The following NRG3 variants were observed in gnomAD, a reference collection of about 807,000 sequenced individuals.
NRG3 encodes the protein pro-neuregulin-3, membrane-bound isoform.
NRG3 carries 31 observed loss-of-function variants against 66.9 expected under a neutral mutation model. The observed-to-expected ratio is 0.46, with a 90% CI of 0.35 to 0.63. The LOEUF (loss-of-function observed/expected upper bound fraction) is 0.63. Ranked by LOEUF, NRG3 falls within the 20% of genes least tolerant of loss-of-function variation. NRG3 has a pLI of 0.00. For synonymous variants in NRG3, 393 were observed against 359.4 expected (o/e 1.09, Z -1.06); for missense variants, 910 against 878.9 (o/e 1.04, Z -0.45).
chr10:82,510,353 G>A (rs1272126534), intron 2 of NRG3, among the ~76,000 whole-genome samples: 1 of 152,116 alleles, frequency 6.6e-6, no homozygotes, highest in East Asian at 1.9e-4. Flanking sequence ...GATGCTGACA[G>A]GTCATAAGCG....
chr10:82,795,039 ACT>A (rs1007982170), intron 3 of NRG3, among the ~76,000 whole-genome samples: 1 of 152,164 alleles, frequency 6.6e-6, no homozygotes, highest in Non-Finnish European at 1.5e-5. Context: ...AATATATAAA[ACT>A]CACGTATAAA....
intron 3 of NRG3, among the ~76,000 whole-genome samples, chr10:82,776,866 T>A (rs974870015): frequency 6.6e-6 from 1 of 152,148 alleles, no homozygotes; most frequent in Non-Finnish European, 1.5e-5. Context: ...CTCTTGTATA[T>A]CATGAATTCC....
intron 5 of NRG3, among the ~76,000 whole-genome samples, chr10:82,958,302 A>G (rs927583570): frequency 7.9e-5 from 12 of 152,344 alleles, no homozygotes; most frequent in African/African-American, 2.9e-4. Context: ...CTTAATGGGT[A>G]TAGCATTATG....
intron 3 of NRG3, among the ~76,000 whole-genome samples, chr10:82,747,472 G>C (rs2058692731): frequency 1.3e-5 from 2 of 151,946 alleles, no homozygotes; most frequent in African/African-American, 4.8e-5. Flanking sequence ...TGAGTGAAAA[G>C]TAAAATTGAT....
chr10:82,717,197 A>G (rs1472708487), intron 2 of NRG3, among the ~76,000 whole-genome samples: 4 of 152,032 alleles, frequency 2.6e-5, no homozygotes, highest in African/African-American at 9.7e-5. Context: ...ATCTAGAAAC[A>G]ATTTTGGTCT....
intron 1 of NRG3, among the ~76,000 whole-genome samples, chr10:82,283,109 C>G (rs2079215782): frequency 6.6e-6 from 1 of 151,942 alleles, no homozygotes; most frequent in Non-Finnish European, 1.5e-5. Context: ...TAATCTAGTG[C>G]AAGTCTCCCC....
At chr10:82,294,508 GCCA>G (rs2079944384) in intron 1 of NRG3, among the ~76,000 whole-genome samples, 1 of 151,850 alleles carries the variant, frequency 6.6e-6, no homozygotes, top group African/African-American at 2.4e-5. Context: ...ACAGTCATAT[GCCA>G]CCTGCCACCT....
At position 82,477,011 on chromosome 10, in the gene NRG3, T is replaced by C. The variant is rs1841844755; in HGVS notation, c.953+118143T>C. The stretch of plus-strand genomic sequence containing the variant: ...TTTTGGAAAGGATGGATGACAAGTC[T>C]GGCACTACTTCTGGGCCAGGGTGAA... On this transcript the variant is annotated intron_variant, in intron 2 of 8. Coordinates refer to ENST00000372141, the MANE Select transcript of NRG3 (RefSeq NM_001010848.4). Among the ~76,000 whole-genome samples the C allele has an allele frequency of 2.0e-5, 3 of 152,204 alleles. 1 individual carries two copies.
At chr10:82,919,166 C>T (rs1027564408) in intron 4 of NRG3, among the ~76,000 whole-genome samples, 4 of 151,512 alleles carry the variant, frequency 2.6e-5, no homozygotes, top group Non-Finnish European at 5.9e-5. Flanking sequence ...AAAGCAGCAT[C>T]AACTTTAGAA....
At chr10:82,927,930 C>G (rs184784849) in intron 4 of NRG3, among the ~76,000 whole-genome samples, 13 of 152,296 alleles carry the variant, frequency 8.5e-5, no homozygotes, top group Non-Finnish European at 1.8e-4. Flanking sequence ...CTGTCATCCA[C>G]AATGGTTGAA....
At chr10:82,176,633 G>A (rs1462618869) in intron 1 of NRG3, among the ~76,000 whole-genome samples, 3 of 152,048 alleles carry the variant, frequency 2.0e-5, no homozygotes, top group African/African-American at 7.2e-5. Flanking sequence ...GAATGCTGTA[G>A]AGTTGCCTGT....
intron 1 of NRG3, among the ~76,000 whole-genome samples, chr10:81,914,569 A>AAAAC (rs144612678): frequency 4.0e-4 from 61 of 151,284 alleles, no homozygotes; most frequent in Non-Finnish European, 6.9e-4. Context: ...CCTGTTTCTG[A>AAAAC]AAACAAACAA....
chr10:82,739,036 G>A (rs1323368573), intron 3 of NRG3, among the ~76,000 whole-genome samples: 1 of 152,158 alleles, frequency 6.6e-6, no homozygotes, highest in East Asian at 1.9e-4. Flanking sequence ...TTACGCTTTG[G>A]TTGTTAATTT....
intron 1 of NRG3, among the ~76,000 whole-genome samples, chr10:82,293,936 C>G (rs1157214701): frequency 7.1e-6 from 1 of 140,352 alleles, no homozygotes; most frequent in Non-Finnish European, 1.5e-5. Context: ...ATTTTTTTTT[C>G]TTTCTCTATC....
intron 2 of NRG3, among the ~76,000 whole-genome samples, chr10:82,707,308 C>T: frequency 6.6e-6 from 1 of 151,678 alleles, no homozygotes; most frequent in African/African-American, 2.4e-5. Flanking sequence ...TTCTCATTAC[C>T]CTTGATATTT....
At chr10:82,160,586 A>G (rs541730648) in intron 1 of NRG3, among the ~76,000 whole-genome samples, 1 of 152,024 alleles carries the variant, frequency 6.6e-6, no homozygotes, top group East Asian at 1.9e-4. Context: ...TTTTTAAGGC[A>G]TAGTTCTCTG....
intron 1 of NRG3, among the ~76,000 whole-genome samples, chr10:81,952,268 A>T (rs937772035): frequency 2.0e-5 from 3 of 152,196 alleles, no homozygotes; most frequent in Admixed American, 6.5e-5. Context: ...GCCACTTATT[A>T]TGCCTTAGTC....
intron 4 of NRG3, among the ~76,000 whole-genome samples, chr10:82,931,200 T>C (rs372591532): frequency 6.6e-6 from 1 of 152,324 alleles, no homozygotes; most frequent in East Asian, 1.9e-4. Context: ...CCAATTTCCT[T>C]CATATCACCC....
At chr10:82,689,050 A>G (rs1295015844) in intron 2 of NRG3, among the ~76,000 whole-genome samples, 1 of 152,182 alleles carries the variant, frequency 6.6e-6, no homozygotes, top group Admixed American at 6.5e-5. Context: ...ACTGTTAAGG[A>G]GGAATCATAT....
Sources: gnomAD v4.1 joint callset for allele counts (sites outside exome capture counted in the v4.1 genomes callset) on GRCh38, gnomAD v4.1.1 for gene constraint, MANE v1.5 for transcripts, NCBI Gene and HGNC (gene_info 2026-07-23, HGNC 2026-07-21) for gene names.